The following DSCAM variants were observed in gnomAD, a reference collection of about 807,000 sequenced individuals.
The protein encoded by DSCAM is cell adhesion molecule DSCAM.
A neutral mutation model predicts 217.7 loss-of-function variants in DSCAM; 47 were observed. The ratio of observed to expected loss-of-function variants is 0.22; its 90% CI spans 0.17 to 0.28. The LOEUF (loss-of-function observed/expected upper bound fraction) is 0.28, where lower values mean the gene tolerates loss of function less well. DSCAM is among the 10% of genes least tolerant of loss of function. The probability of loss-of-function intolerance (pLI) is 1.00; values close to 1 mark genes in which losing one functional copy is unlikely to be tolerated. For synonymous variants in DSCAM, 1,056 were observed against 1,015.3 expected (o/e 1.04, Z -0.76); for missense variants, 2,080 against 2,618.3 (o/e 0.79, Z 4.49).
intron 1 of DSCAM, among the ~76,000 whole-genome samples, chr21:40,818,061 AGTCCG>A (rs2091896685): frequency 7.8e-6 from 1 of 127,798 alleles, no homozygotes; most frequent in Admixed American, 9.3e-5. Context: ...GCGCCACTGC[AGTCCG>A]CAGTCCGGCC....
At chr21:40,511,609 TATAGAGTA>T (rs1018089783) in intron 3 of DSCAM, among the ~76,000 whole-genome samples, 2 of 152,178 alleles carry the variant, frequency 1.3e-5, no homozygotes, top group Non-Finnish European at 2.9e-5. Context: ...TATAATTCTT[TATAGAGTA>T]AAGTTACAAC....
At chr21:40,650,061 G>A (rs34129041) in intron 3 of DSCAM, among the ~76,000 whole-genome samples, 43 of 152,210 alleles carry the variant, frequency 2.8e-4, no homozygotes, top group Non-Finnish European at 4.8e-4. Flanking sequence ...TGAAGGAGCA[G>A]GGGAGAAGTG....
At chr21:40,800,738 C>T (rs188538730) in intron 1 of DSCAM, among the ~76,000 whole-genome samples, 100 of 120,506 alleles carry the variant, frequency 8.3e-4, no homozygotes, top group African/African-American at 3.1e-3. Context: ...TTTTTTTAAA[C>T]GGAGTCTCAC....
At chr21:40,738,795 T>C (rs904499097) in intron 1 of DSCAM, among the ~76,000 whole-genome samples, 2 of 152,182 alleles carry the variant, frequency 1.3e-5, no homozygotes, top group Admixed American at 6.5e-5. Context: ...TAGAACCAGA[T>C]AGCAGAGAAT....
At chr21:40,681,000 C>T (rs1445402893) in intron 3 of DSCAM, among the ~76,000 whole-genome samples, 1 of 152,214 alleles carries the variant, frequency 6.6e-6, no homozygotes, top group East Asian at 1.9e-4. Flanking sequence ...GAAGTTTCAA[C>T]CACAGGTGAC....
At chr21:40,142,034 G>C (rs1319997770) in intron 18 of DSCAM, among the ~76,000 whole-genome samples, 2 of 144,312 alleles carry the variant, frequency 1.4e-5, no homozygotes, top group Non-Finnish European at 3.0e-5. Flanking sequence ...GGAGGAGAAG[G>C]GGAAGGAAGA....
At chr21:40,685,443 AG>A (rs2090462729) in intron 3 of DSCAM, among the ~76,000 whole-genome samples, 3 of 152,166 alleles carry the variant, frequency 2.0e-5, no homozygotes, top group Admixed American at 6.5e-5. Flanking sequence ...CAAACATACC[AG>A]GGTGCCTACG....
chr21:40,622,871 C>A (rs1485589624), intron 3 of DSCAM, among the ~76,000 whole-genome samples: 251 of 141,670 alleles, frequency 1.8e-3, no homozygotes, highest in African/African-American at 1.7e-3. Context: ...GTACATGATA[C>A]AAAAAAAAAA....
chr21:40,627,326 C>T (rs1177952376), intron 3 of DSCAM, among the ~76,000 whole-genome samples: 1 of 152,154 alleles, frequency 6.6e-6, no homozygotes, highest in Admixed American at 6.5e-5. Flanking sequence ...AGCATTAGAA[C>T]TTGTGGAATA....
At chr21:40,458,369 G>C (rs891537867) in intron 3 of DSCAM, among the ~76,000 whole-genome samples, 2 of 151,906 alleles carry the variant, frequency 1.3e-5, no homozygotes, top group African/African-American at 4.8e-5. Context: ...AGAGATCGAA[G>C]AACATTTACA....
intron 16 of DSCAM, among the ~76,000 whole-genome samples, chr21:40,157,809 T>C (rs1335210072): frequency 2.0e-5 from 3 of 151,976 alleles, no homozygotes; most frequent in Non-Finnish European, 4.4e-5. Flanking sequence ...ATTCTCCCAC[T>C]TCAGCCTCCT....
intron 1 of DSCAM, among the ~76,000 whole-genome samples, chr21:40,731,740 G>A (rs201163970): frequency 2.7e-4 from 13 of 48,028 alleles, no homozygotes; most frequent in African/African-American, 6.1e-4. Context: ...CCCCCCCCCC[G>A]CCCCCCGGGT....
intron 3 of DSCAM, among the ~76,000 whole-genome samples, chr21:40,454,353 C>A (rs2075746358): frequency 6.6e-6 from 1 of 152,040 alleles, no homozygotes; most frequent in Non-Finnish European, 1.5e-5. Context: ...ATTACAATGC[C>A]CAAATTGAAG....
chr21:40,500,260 C>T (rs1232253284), intron 3 of DSCAM, among the ~76,000 whole-genome samples: 3 of 151,968 alleles, frequency 2.0e-5, no homozygotes, highest in African/African-American at 7.2e-5. Flanking sequence ...TGAAGAAAGC[C>T]CTTTAAATAC....
chr21:40,342,646 ATATTTT>A (rs1327398086), intron 6 of DSCAM, among the ~76,000 whole-genome samples: 21 of 83,600 alleles, frequency 2.5e-4, no homozygotes, highest in African/African-American at 8.5e-4. Flanking sequence ...ATATATATAT[ATATTTT>A]TTTTTTTTTT....
In DSCAM at chr21:40,013,167, G is replaced by C. The variant is rs779096366; in HGVS notation, c.5906C>G (p.Ala1969Gly). The C allele has an allele frequency of 6.2e-7, 1 of 1,613,630 alleles. No individual in the cohort carries two copies. Among genetic ancestry groups the C allele is most frequent in the South Asian group, 1.1e-5 (1 of 90,938 alleles). The part of the protein sequence containing the change: ...EGQSWQPGAV[A>G]TLPQREGAEL... ...TGCTCCCTCCCGCTGAGGTAATGTG[G>C]CCACGGCCCCCGGCTGCCACGACTG... The change falls in exon 33 of 33, where the codon GCC becomes GGC. Residue 1969 changes from alanine (A) to glycine (G), a missense_variant. By Grantham distance (60) the Ala-to-Gly change is moderately conservative. Coordinates refer to ENST00000400454, the MANE Select transcript of DSCAM (RefSeq NM_001389.5).
chr21:40,779,260 G>A (rs938358983), intron 1 of DSCAM, among the ~76,000 whole-genome samples: 4 of 152,002 alleles, frequency 2.6e-5, no homozygotes, highest in Non-Finnish European at 4.4e-5. Flanking sequence ...GAGGCAAGAC[G>A]GGCTATTAGG....
At chr21:40,337,599 T>C (rs1362369643) in intron 8 of DSCAM, among the ~76,000 whole-genome samples, 1 of 152,170 alleles carries the variant, frequency 6.6e-6, no homozygotes, top group African/African-American at 2.4e-5. Flanking sequence ...CAAAGAATAA[T>C]TTAATGAGGA....
At chr21:40,690,711 G>A (rs62223013) in intron 3 of DSCAM, among the ~76,000 whole-genome samples, 4,931 of 152,178 alleles carry the variant, frequency 0.032, 137 homozygotes, top group African/African-American at 0.073. Context: ...ACATTTGAAG[G>A]AAAATAAAGT....
Sources: allele counts gnomAD v4.1 joint callset (sites outside exome capture counted in the v4.1 genomes callset), GRCh38; gene constraint gnomAD v4.1.1; transcripts MANE v1.5; gene names NCBI Gene and HGNC (gene_info 2026-07-23, HGNC 2026-07-21).